The following CKAP2L variants were observed in gnomAD, a reference collection of about 807,000 sequenced individuals.
The protein encoded by CKAP2L is cytoskeleton associated protein 2L.
In CKAP2L, 42 loss-of-function variants were observed where a neutral mutation model predicts 65.7. The observed-to-expected ratio is 0.64, with a 90% CI of 0.50 to 0.83. The LOEUF is 0.83. CKAP2L is among the 40% of genes least tolerant of loss of function. The pLI, the probability that CKAP2L is intolerant of heterozygous loss-of-function variation, is 0.00. For synonymous variants in CKAP2L, 325 were observed against 313.5 expected (o/e 1.04, Z -0.39); for missense variants, 908 against 871.0 (o/e 1.04, Z -0.53).
Position 112,738,678 on chromosome 2 carries a change from G to C in CKAP2L, c.*145C>G, listed in dbSNP as rs1679570403. 3.2e-6 allele frequency: 2 copies of C among 623,460 alleles called. No homozygotes were observed. The highest frequency in any genetic ancestry group is 5.5e-5 in the East Asian group (2 of 36,586). 38.6% of individuals were successfully genotyped at this position (623,460 alleles called of 1,614,324 possible). A position where few individuals can be genotyped will look rare whatever the true frequency, so the allele number is the denominator to read the frequency against. On this transcript the variant is annotated 3_prime_UTR_variant, in exon 9 of 9. Transcript: ENST00000302450. ...TTTCCCATGGGGAGAGAAAATTTGA[G>C]AGTAAGCCCAGTGAATTACTTAAGT... is the stretch of plus-strand genomic sequence containing the variant.
At chr2:112,758,083 A>G (rs1680598731) in intron 3 of CKAP2L, among the ~76,000 whole-genome samples, 1 of 152,236 alleles carries the variant, frequency 6.6e-6, no homozygotes, top group African/African-American at 2.4e-5. Flanking sequence ...CTCAATAAAC[A>G]TGTAACATCT....
intron 2 of CKAP2L, among the ~76,000 whole-genome samples, chr2:112,761,073 A>G (rs1203799523): frequency 6.6e-6 from 1 of 151,832 alleles, no homozygotes; most frequent in African/African-American, 2.4e-5. Context: ...CTTCATATTT[A>G]TATAGTCTTA....
Position 112,756,516 on chromosome 2 carries a change from G to A in CKAP2L, c.855C>T (p.Thr285=). 6.2e-7 allele frequency: 1 copy of A among 1,609,492 alleles called. No homozygotes were observed. The highest frequency in any genetic ancestry group is 8.5e-7 in the Non-Finnish European group (1 of 1,178,170). The change falls in exon 4 of 9, where the codon ACC becomes ACT. Residue 285 remains threonine, a synonymous_variant. Transcript: ENST00000302450. Reference sequence around the variant, plus strand: ...TCTTTGATGACTGAACTTTACTAAGGGTCCGAATAAAGTGAGAGGGAACCG... The same window carrying A: ...TCTTTGATGACTGAACTTTACTAAGAGTCCGAATAAAGTGAGAGGGAACCG... The part of the protein sequence containing the change: ...SRTVPSHFIR[T]LSKVQSSKKP...
At chr2:112,741,617 A>G (rs1679971547) in intron 7 of CKAP2L, among the ~76,000 whole-genome samples, 1 of 152,238 alleles carries the variant, frequency 6.6e-6, no homozygotes, top group Non-Finnish European at 1.5e-5. Context: ...TTCTCTTTTT[A>G]TTCCTTTTAA....
intron 8 of CKAP2L, 83 bp downstream of exon 8, chr2:112,740,735 T>A: frequency 8.8e-7 from 1 of 1,142,604 alleles, no homozygotes. Flanking sequence ...AGGTCTCAGT[T>A]ACTCTAGATC....
Position 112,737,333 on chromosome 2 carries a change from A to T in CKAP2L, c.*1490T>A, listed in dbSNP as rs1168249192. 6.6e-6 allele frequency: 1 copy of T among 152,196 alleles called. No individual in the cohort carries two copies. Among genetic ancestry groups the T allele is most frequent in the African/African-American group, 2.4e-5 (1 of 41,454 alleles). 9.4% of individuals were successfully genotyped at this position (152,196 alleles called of 1,614,324 possible). ...TTTTCCATAACGGCTGCCCCAGTCT[A>T]CACGCCCACAAACAGTGTACTAGGG... On this transcript the variant is annotated 3_prime_UTR_variant, in exon 9 of 9. Transcript: ENST00000302450.
chr2:112,740,849 C>T lies in CKAP2L; in HGVS notation c.1981G>A (p.Gly661Ser). The change falls in exon 8 of 9, where the codon GGT (glycine) becomes AGT (serine). Residue 661 changes from glycine (G) to serine (S), a missense_variant. Gly to Ser is a moderately conservative substitution (Grantham distance 56). Transcript: ENST00000302450. ...IAKAEQHNYPGIKLQIGPIPR... is the reference protein window; with the variant it reads ...IAKAEQHNYPSIKLQIGPIPR... The stretch of plus-strand genomic sequence containing the variant: ...ATTGGACCAATCTGTAATTTGATAC[C>T]AGGATAATTATGCTGTTCTGCCTTG... 6.2e-7 allele frequency: 1 copy of T among 1,611,196 alleles called. No individual in the cohort carries two copies. Among genetic ancestry groups the T allele is most frequent in the Non-Finnish European group, 8.5e-7 (1 of 1,177,862 alleles).
chr2:112,755,360 G>C (rs931045906), intron 4 of CKAP2L, among the ~76,000 whole-genome samples: 1 of 152,080 alleles, frequency 6.6e-6, no homozygotes, highest in Admixed American at 6.5e-5. Flanking sequence ...GGCTGGTCTC[G>C]AACTCCCGAC....
chr2:112,760,696 G>A lies in CKAP2L; in HGVS notation c.156+17C>T. 7.5e-7 allele frequency: 1 copy of A among 1,328,526 alleles called. No individual in the cohort carries two copies. The allele number at this position is 1,328,526 out of a possible 1,614,324, so 82.3% of individuals were successfully genotyped here. ...ACTTATGAATGCATATTTTTAAAAAGACTAATTTCTACTTACAGATTTAGA... is the reference window on the plus strand; with the variant it reads ...ACTTATGAATGCATATTTTTAAAAAAACTAATTTCTACTTACAGATTTAGA... On this transcript the variant is annotated intron_variant, in intron 3 of 8. Transcript: ENST00000302450.
At chr2:112,757,385 G>GTTTTTTT (rs11311328) in intron 3 of CKAP2L, among the ~76,000 whole-genome samples, 171 bp from the exon 4 acceptor site, 11 of 87,420 alleles carry the variant, frequency 1.3e-4, no homozygotes, top group African/African-American at 1.6e-4. Context: ...TAGTTTTTGT[G>GTTTTTTT]TTTTTTTTTT....
rs369995748 is a variant in CKAP2L at position 112,756,169 on chromosome 2, G to C, written c.1202C>G (p.Thr401Ser). The C allele has an allele frequency of 1.2e-6, 2 of 1,614,066 alleles. No homozygotes were observed. Among genetic ancestry groups the C allele is most frequent in the Middle Eastern group, 1.6e-4 (1 of 6,062 alleles). Reference sequence around the variant, plus strand: ...ATTATTGTTATGTTTATTACCACTGGTTCCATTTGGTCTTATGCTAGGGGT... The same window carrying C: ...ATTATTGTTATGTTTATTACCACTGCTTCCATTTGGTCTTATGCTAGGGGT... ...PSTPSIRPNG[T>S]SGNKHNNNGF... The change falls in exon 4 of 9, where the codon ACC becomes AGC. Residue 401 changes from threonine to serine, a missense_variant. Thr to Ser is a moderately conservative substitution (Grantham distance 58). Transcript: ENST00000302450.
chr2:112,757,016 T>C lies in CKAP2L; in HGVS notation c.355A>G (p.Lys119Glu), dbSNP rs1680562366. The change falls in exon 4 of 9, where the codon AAG (lysine) becomes GAG (glutamate). Residue 119 changes from lysine to glutamate, a missense_variant. Transcript: ENST00000302450. Reference protein sequence around the residue: ...SSNPYSKPSSKSFQQCEAGSS... With the variant: ...SSNPYSKPSSESFQQCEAGSS... The stretch of plus-strand genomic sequence containing the variant: ...CCAGCTTCACACTGTTGAAAACTCT[T>C]GCTAGAAGGCTTAGAGTATGGGTTA... The C allele has an allele frequency of 1.2e-6, 2 of 1,614,102 alleles. No homozygotes were observed. Among genetic ancestry groups the C allele is most frequent in the South Asian group, 2.2e-5 (2 of 91,092 alleles).
At chr2:112,750,771 T>TCTGAAC (rs1464644018) in intron 5 of CKAP2L, among the ~76,000 whole-genome samples, 2 of 150,902 alleles carry the variant, frequency 1.3e-5, no homozygotes, top group African/African-American at 4.9e-5. Context: ...GCAAATCTGC[T>TCTGAAC]ATAGCACTGA....
chr2:112,747,430 T>C (rs545299161), intron 5 of CKAP2L, among the ~76,000 whole-genome samples: 1 of 152,308 alleles, frequency 6.6e-6, no homozygotes, highest in African/African-American at 2.4e-5. Context: ...TGAGTAGTGA[T>C]GAGAATTTCC....
chr2:112,757,639 C>A (rs914376703), intron 3 of CKAP2L, among the ~76,000 whole-genome samples: 7 of 152,242 alleles, frequency 4.6e-5, no homozygotes, highest in Admixed American at 4.6e-4. Context: ...ATCCACGCAC[C>A]TTGGCCTCCC....
intron 6 of CKAP2L, among the ~76,000 whole-genome samples, chr2:112,743,499 G>A (rs766684599): frequency 2.0e-5 from 3 of 151,946 alleles, no homozygotes; most frequent in Non-Finnish European, 4.4e-5. Flanking sequence ...GTGCAATGGT[G>A]CGGTATCGGC....
At chr2:112,755,206 AT>A (rs1239742067) in intron 4 of CKAP2L, among the ~76,000 whole-genome samples, 1 of 152,190 alleles carries the variant, frequency 6.6e-6, no homozygotes, top group African/African-American at 2.4e-5. Flanking sequence ...ATGAGACTAC[AT>A]TTGGTCCTGG....
At chr2:112,754,140 A>G (rs1680462456) in intron 4 of CKAP2L, among the ~76,000 whole-genome samples, 1 of 152,210 alleles carries the variant, frequency 6.6e-6, no homozygotes, top group Non-Finnish European at 1.5e-5. Flanking sequence ...TTATCAAGCT[A>G]TAAGATGGTT....
chr2:112,752,382 A>AT lies in CKAP2L; in HGVS notation c.1486dup (p.Met496AsnfsTer10). The AT allele has an allele frequency of 1.2e-6, 2 of 1,612,354 alleles. No homozygotes were observed. The highest frequency in any genetic ancestry group is 1.7e-6 in the Non-Finnish European group (2 of 1,178,668). Reference sequence around the variant, plus strand: ...AATGCTCTTCCAGAATGAAATATTCATTTCCTTTATTACTTTTCTTTTTGT... The same window carrying AT: ...AATGCTCTTCCAGAATGAAATATTCATTTTCCTTTATTACTTTTCTTTTTGT... On this transcript the variant is annotated frameshift_variant, in exon 5 of 9. Transcript: ENST00000302450. LOFTEE classifies it high-confidence loss of function.
Sources: allele counts gnomAD v4.1 joint callset (sites outside exome capture counted in the v4.1 genomes callset), GRCh38; gene constraint gnomAD v4.1.1; transcripts MANE v1.5; gene names NCBI Gene and HGNC (gene_info 2026-07-23, HGNC 2026-07-21).